Variants in SSBP2 observed in about 807,000 individuals in gnomAD.
SSBP2 encodes single stranded DNA binding protein 2.
In SSBP2, 17 loss-of-function variants were observed where a neutral mutation model predicts 61.8. That is an observed-to-expected ratio of 0.28 (90% CI 0.19 to 0.41). The LOEUF (loss-of-function observed/expected upper bound fraction) is 0.41, where lower values mean the gene tolerates loss of function less well. Among genes scored for constraint, SSBP2 ranks in the 10% least tolerant of loss-of-function variants. SSBP2 has a pLI of 1.00. For synonymous variants in SSBP2, 139 were observed against 141.3 expected, an observed-to-expected ratio of 0.98 and a Z score of 0.12; for missense variants, 310 against 458.7, an observed-to-expected ratio of 0.68 and a Z score of 2.96.
At chr5:81,639,838 C>CTT in intron 2 of SSBP2, among the ~76,000 whole-genome samples, 1 of 151,990 alleles carries the variant, frequency 6.6e-6, no homozygotes, top group Non-Finnish European at 1.5e-5. Context: ...CCCAAAAGGA[C>CTT]TTTTTAAAAG....
At chr5:81,540,138 A>G (rs1453420415) in intron 4 of SSBP2, among the ~76,000 whole-genome samples, 1 of 152,086 alleles carries the variant, frequency 6.6e-6, no homozygotes, top group Non-Finnish European at 1.5e-5. Context: ...TATCCAGTCT[A>G]TCATTGATGG....
intron 1 of SSBP2, among the ~76,000 whole-genome samples, chr5:81,687,697 A>T (rs1315413455): frequency 6.6e-6 from 1 of 152,214 alleles, no homozygotes; most frequent in Non-Finnish European, 1.5e-5. Flanking sequence ...CAGAGTCGTG[A>T]AGTTACCATT....
In SSBP2 at chr5:81,537,113, A is replaced by G. The variant is rs1452303284; in HGVS notation, c.283-23396T>C. Among the ~76,000 whole-genome samples the G allele has an allele frequency of 2.6e-5, 4 of 152,274 alleles. No homozygotes were observed. The East Asian group carries it at 7.7e-4, about 29-fold the overall frequency. ...AATTTCGTTAGTTGACTTTCTCCAA[A>G]AAAGTGAGGGATTGTGATTAATATC... On this transcript the variant is annotated intron_variant, in intron 4 of 16. Transcript: ENST00000320672.
At chr5:81,493,251 C>CAGATAGATAGATAGAT (rs66763000) in intron 5 of SSBP2, among the ~76,000 whole-genome samples, 7 of 145,520 alleles carry the variant, frequency 4.8e-5, no homozygotes, top group South Asian at 2.2e-4. Context: ...ATGAACAAAA[C>CAGATAGATAGATAGAT]AGATAGATAG....
chr5:81,430,969 A>G (rs999818034), intron 15 of SSBP2, among the ~76,000 whole-genome samples: 1 of 152,208 alleles, frequency 6.6e-6, no homozygotes, highest in African/African-American at 2.4e-5. Flanking sequence ...AAATCTTAAG[A>G]AAATTGTGCT....
rs143544723 is a variant in SSBP2 at position 81,583,351 on chromosome 5, T to C, written c.282+32122A>G. Among the ~76,000 whole-genome samples the C allele has an allele frequency of 4.0e-3, 608 of 151,816 alleles. 2 individuals carry two copies. Among genetic ancestry groups the C allele is most frequent in the South Asian group, 0.01 (50 of 4,804 alleles). ...CATTTTCAAGAGTAGCCATTGAGGC[T>C]GGGCGCAGTGGCTCACGCTTGTAAT... On this transcript the variant is annotated intron_variant, in intron 4 of 16. Transcript: ENST00000320672.
chr5:81,627,465 A>G (rs1274735326), intron 3 of SSBP2, among the ~76,000 whole-genome samples: 6 of 152,200 alleles, frequency 3.9e-5, no homozygotes, highest in African/African-American at 1.4e-4. Flanking sequence ...AAAACCAGTA[A>G]GCCAATTATA....
intron 16 of SSBP2, among the ~76,000 whole-genome samples, chr5:81,427,919 T>C (rs1762053568): frequency 6.6e-6 from 1 of 152,190 alleles, no homozygotes; most frequent in African/African-American, 2.4e-5. Context: ...GAAATATTAA[T>C]GTAAAAAATC....
At chr5:81,600,476 C>T (rs1489345700) in intron 4 of SSBP2, among the ~76,000 whole-genome samples, 1 of 147,752 alleles carries the variant, frequency 6.8e-6, no homozygotes, top group African/African-American at 2.5e-5. Context: ...GCAGAAGAAT[C>T]ACTTGAACCC....
At chr5:81,551,096 GAAAAA>G (rs35816072) in intron 4 of SSBP2, among the ~76,000 whole-genome samples, 1 of 80,222 alleles carries the variant, frequency 1.2e-5, no homozygotes, top group Non-Finnish European at 2.5e-5. Flanking sequence ...ACTCCATCTC[GAAAAA>G]AAAAAAAAAA....
At chr5:81,431,736 T>C (rs1220891762) in intron 15 of SSBP2, among the ~76,000 whole-genome samples, 1 of 152,114 alleles carries the variant, frequency 6.6e-6, no homozygotes, top group African/African-American at 2.4e-5. Context: ...AGATGTGTGC[T>C]ACCACATCTG....
chr5:81,709,443 T>C (rs937906570), intron 1 of SSBP2, among the ~76,000 whole-genome samples: 7 of 151,994 alleles, frequency 4.6e-5, no homozygotes, highest in Admixed American at 4.6e-4. Flanking sequence ...GCTTTTTCCA[T>C]CTTCTCTACC....
At chr5:81,714,957 A>G (rs546816134) in intron 1 of SSBP2, among the ~76,000 whole-genome samples, 3 of 152,312 alleles carry the variant, frequency 2.0e-5, no homozygotes, top group African/African-American at 7.2e-5. Context: ...GAGGTCCAGT[A>G]ACAAGAGAAT....
At chr5:81,480,046 G>A (rs1344037761) in intron 6 of SSBP2, among the ~76,000 whole-genome samples, 1 of 152,134 alleles carries the variant, frequency 6.6e-6, no homozygotes, top group Non-Finnish European at 1.5e-5. Context: ...ACAAGTAGCA[G>A]TGTCAGGGCT....
At chr5:81,531,577 G>C (rs1365822590) in intron 4 of SSBP2, among the ~76,000 whole-genome samples, 1 of 152,060 alleles carries the variant, frequency 6.6e-6, no homozygotes, top group East Asian at 1.9e-4. Flanking sequence ...AAAATGGAAT[G>C]CTTATTGTGA....
intron 4 of SSBP2, among the ~76,000 whole-genome samples, chr5:81,579,123 G>C (rs1012399581): frequency 3.3e-5 from 5 of 152,094 alleles, no homozygotes; most frequent in African/African-American, 1.2e-4. Context: ...GATGCTGGCA[G>C]ATGAAGAGGG....
chr5:81,684,793 G>A (rs1234429433), intron 1 of SSBP2, among the ~76,000 whole-genome samples: 1 of 152,174 alleles, frequency 6.6e-6, no homozygotes, highest in Non-Finnish European at 1.5e-5. Context: ...TTGGACTGTG[G>A]ACTTTTGAGT....
chr5:81,489,174 A>G (rs1766663582), intron 6 of SSBP2, 76 bp downstream of exon 6: 2 of 1,268,570 alleles, frequency 1.6e-6, no homozygotes, highest in Non-Finnish European at 2.2e-6. Context: ...TCATATTTTT[A>G]CAGGATGATA....
intron 4 of SSBP2, among the ~76,000 whole-genome samples, chr5:81,550,341 A>C (rs1772077387): frequency 6.6e-6 from 1 of 152,192 alleles, no homozygotes; most frequent in Admixed American, 6.5e-5. Context: ...CCACAATCCT[A>C]TCTTATATTA....
Sources: gnomAD v4.1 joint callset for allele counts (sites outside exome capture counted in the v4.1 genomes callset) on GRCh38, gnomAD v4.1.1 for gene constraint, MANE v1.5 for transcripts, NCBI Gene and HGNC (gene_info 2026-07-23, HGNC 2026-07-21) for gene names.